RIPOR1: variants seen among roughly 807,000 people sequenced by gnomAD.
RIPOR1 encodes rho family-interacting cell polarization regulator 1.
A neutral mutation model predicts 116.5 loss-of-function variants in RIPOR1; 58 were observed. That is an observed-to-expected ratio of 0.50 (90% CI 0.40 to 0.62). The LOEUF is 0.62. RIPOR1 is among the 20% of genes least tolerant of loss of function. The probability of loss-of-function intolerance (pLI) is 0.00; values close to 1 mark genes in which losing one functional copy is unlikely to be tolerated. For missense variants in RIPOR1, 1,372 were observed against 1,586.2 expected (o/e 0.86, Z 2.29); for synonymous variants, 605 against 650.0 (o/e 0.93, Z 1.05).
At position 67,529,537 on chromosome 16, in the gene RIPOR1, G is replaced by T. The variant is rs1465498598; in HGVS notation, c.-24+623G>T. 2.1e-6 allele frequency: 1 copy of T among 470,190 alleles called. No individual in the cohort carries two copies. Among genetic ancestry groups the T allele is most frequent in the Non-Finnish European group, 3.8e-6 (1 of 264,002 alleles). 29.1% of individuals were successfully genotyped at this position (470,190 alleles called of 1,614,324 possible). On this transcript the variant is annotated intron_variant, in intron 1 of 21. Coordinates refer to ENST00000042381, the MANE Select transcript of RIPOR1 (RefSeq NM_024519.4). This position sits in a 1 kb window ranked among gnomAD's most constrained non-coding sequence, Gnocchi z 4.1. ...TGGCGCAAGGTTCCTGCAACAGCCGGGCCTGGGCTCTCTGCAGAACTGGTT... is the reference window on the plus strand; with the variant it reads ...TGGCGCAAGGTTCCTGCAACAGCCGTGCCTGGGCTCTCTGCAGAACTGGTT...
At position 67,529,713 on chromosome 16, in the gene RIPOR1, C is replaced by T; in HGVS notation, c.-24+799C>T. On this transcript the variant is annotated intron_variant, in intron 1 of 21. Coordinates refer to ENST00000042381, the MANE Select transcript of RIPOR1 (RefSeq NM_024519.4). This position sits in a 1 kb window ranked among gnomAD's most constrained non-coding sequence, Gnocchi z 4.1. The stretch of plus-strand genomic sequence containing the variant: ...CGTGTGTCCAGGCTGGCCGCCCCAG[C>T]ACCTACTGTGCGCAGCCTCGTGTAA... The T allele has an allele frequency of 1.3e-6, 2 of 1,517,882 alleles. No homozygotes were observed. Among genetic ancestry groups the T allele is most frequent in the Non-Finnish European group, 1.8e-6 (2 of 1,136,484 alleles). The allele number at this position is 1,517,882 out of a possible 1,614,324, so 94.0% of individuals were successfully genotyped here. A position where few individuals can be genotyped will look rare whatever the true frequency, so the allele number is the denominator to read the frequency against.
chr16:67,523,852 G>A (rs966597411), upstream of RIPOR1, among the ~76,000 whole-genome samples: 6 of 151,816 alleles, frequency 4.0e-5, no homozygotes, highest in African/African-American at 1.5e-4. Context: ...TCATTTTTGT[G>A]TTTTTAGTAG....
chr16:67,535,387 G>A (rs530976376), intron 1 of RIPOR1, among the ~76,000 whole-genome samples: 1 of 152,306 alleles, frequency 6.6e-6, no homozygotes, highest in East Asian at 1.9e-4. Context: ...ATTCCCCAGG[G>A]CTGGTTTCTG....
intron 1 of RIPOR1, among the ~76,000 whole-genome samples, chr16:67,520,618 T>C (rs1487315765): frequency 6.6e-6 from 1 of 151,732 alleles, no homozygotes; most frequent in Non-Finnish European, 1.5e-5. Flanking sequence ...CTGACCAACA[T>C]GGTGAAACCC....
Position 67,530,821 on chromosome 16 carries a change from G to A in RIPOR1, c.-24+1907G>A, listed in dbSNP as rs573234106. Among the ~76,000 whole-genome samples the A allele has an allele frequency of 2.4e-4, 37 of 152,168 alleles. No individual in the cohort carries two copies. The highest frequency in any genetic ancestry group is 8.9e-4 in the African/African-American group (37 of 41,518). On this transcript the variant is annotated intron_variant, in intron 1 of 21. Transcript: ENST00000042381. This position sits in a 1 kb window ranked among gnomAD's most constrained non-coding sequence, Gnocchi z 4.5. ...TTCCCATCCTGGGAACAGACTATAG[G>A]GCTGACATGAGCCCAGAGAGTCCCC... is the stretch of plus-strand genomic sequence containing the variant.
chr16:67,533,399 G>A (rs138582764), intron 1 of RIPOR1, among the ~76,000 whole-genome samples: 1 of 152,164 alleles, frequency 6.6e-6, no homozygotes, highest in Non-Finnish European at 1.5e-5. Context: ...CAGCCCAAGG[G>A]CGGGGAGGAT....
chr16:67,546,423 G>C lies in RIPOR1; in HGVS notation c.3620G>C (p.Arg1207Pro). 1 of 1,614,000 alleles carries C rather than the reference G, an allele frequency of 6.2e-7. No individual in the cohort carries two copies. The highest frequency in any genetic ancestry group is 8.5e-7 in the Non-Finnish European group (1 of 1,180,000). ...RLEESLDALP[R>P]IFGPGSMAST... Reference sequence around the variant, plus strand: ...GAGGAGTCCCTGGACGCCCTGCCCCGCATCTTTGGGCCTGGCAGCATGGCC... The same window carrying C: ...GAGGAGTCCCTGGACGCCCTGCCCCCCATCTTTGGGCCTGGCAGCATGGCC... Residue 1207 changes from arginine (R) to proline (P), a missense_variant, in exon 22 of 22, where the codon CGC becomes CCC. Arg to Pro is a moderately radical substitution (Grantham distance 103). This residue lies in a region of RIPOR1 where 1,005 missense variants were observed against 1,144.7 expected (regional missense o/e 0.88). Coordinates refer to ENST00000042381, the MANE Select transcript of RIPOR1 (RefSeq NM_024519.4).
In RIPOR1 at chr16:67,546,134, C is replaced by T. The variant is rs773221956; in HGVS notation, c.3472-7C>T. ...TGAGCCCACCTCAATGCTCCCTCCC[C>T]TGACAGGCTCCCGAGGGCATTGAGC... On this transcript the variant is annotated splice_region_variant and splice_polypyrimidine_tract_variant and intron_variant, in intron 20 of 21. Transcript: ENST00000042381. 5 of 1,613,588 alleles carry T rather than the reference C, an allele frequency of 3.1e-6. No homozygotes were observed. The African/African-American group carries it at 6.7e-5, about 22-fold the overall frequency.
intron 4 of RIPOR1, 176 bp downstream of exon 4, chr16:67,539,244 C>G: frequency 1.6e-6 from 1 of 607,144 alleles, no homozygotes. Flanking sequence ...GCTGTGCATA[C>G]TTTCTGCTTG....
At chr16:67,524,298 G>A (rs2142394487), upstream of RIPOR1, among the ~76,000 whole-genome samples, 1 of 152,324 alleles carries the variant, frequency 6.6e-6, no homozygotes, top group South Asian at 2.1e-4. Context: ...GTAGAGTCCA[G>A]GCTGGGGCTG....
Position 67,541,301 on chromosome 16 carries a change from CT to C in RIPOR1, c.802-127del. 1 of 980,418 alleles carries C rather than the reference CT, an allele frequency of 1.0e-6. No individual in the cohort carries two copies. Among genetic ancestry groups the C allele is most frequent in the Non-Finnish European group, 1.5e-6 (1 of 660,724 alleles). 60.7% of individuals were successfully genotyped at this position (980,418 alleles called of 1,614,324 possible). On this transcript the variant is annotated intron_variant, in intron 10 of 21. Coordinates refer to ENST00000042381, the MANE Select transcript of RIPOR1 (RefSeq NM_024519.4). The surrounding 1 kb of genome is among the most constrained non-coding windows in gnomAD (Gnocchi z 4.6). ...CCCAAGCTGGTCTTGAACTCCTGGC[CT>C]TAAGTGATCCTCCTGCCTCAGCCTC...
Position 67,546,427 on chromosome 16 carries a change from C to T in RIPOR1, c.3624C>T (p.Ile1208=). Residue 1208 remains isoleucine, a synonymous_variant, in exon 22 of 22, where the codon ATC becomes ATT. Transcript: ENST00000042381. ...LEESLDALPR[I]FGPGSMASTA... is the part of the protein sequence containing the mutation. ...AGTCCCTGGACGCCCTGCCCCGCAT[C>T]TTTGGGCCTGGCAGCATGGCCAGCA... The T allele has an allele frequency of 4.3e-6, 7 of 1,614,110 alleles. No individual in the cohort carries two copies. Among genetic ancestry groups the T allele is most frequent in the Non-Finnish European group, 5.9e-6 (7 of 1,180,030 alleles).
Position 67,528,876 on chromosome 16 carries a change from CA to C in RIPOR1, c.-60del. 1 of 176,196 alleles carries C rather than the reference CA, an allele frequency of 5.7e-6. No homozygotes were observed. The highest frequency in any genetic ancestry group is 1.2e-5 in the Non-Finnish European group (1 of 81,398). 10.9% of individuals were successfully genotyped at this position (176,196 alleles called of 1,614,324 possible). Reference sequence around the variant, plus strand: ...CGACCAGGCCGGGCACCTCCGAGCGCAAGGACAGCGCGAGGTCCGCGCAGCC... The same window carrying C: ...CGACCAGGCCGGGCACCTCCGAGCGCAGGACAGCGCGAGGTCCGCGCAGCC... On this transcript the variant is annotated 5_prime_UTR_variant, in exon 1 of 22. Coordinates refer to ENST00000042381, the MANE Select transcript of RIPOR1 (RefSeq NM_024519.4).
chr16:67,541,076 A>ATGTG lies in RIPOR1; in HGVS notation c.802-353_802-352insGTGT. On this transcript the variant is annotated intron_variant, in intron 10 of 21. Transcript: ENST00000042381. The surrounding 1 kb of genome is among the most constrained non-coding windows in gnomAD (Gnocchi z 4.6). ...TGAGCATGCATGTGTCTGTCTATCT[A>ATGTG]TCTAGGAGTTGGCGGGTCTCACTCT... Among the ~76,000 whole-genome samples the ATGTG allele has an allele frequency of 6.6e-6, 1 of 151,782 alleles. No homozygotes were observed. Among genetic ancestry groups the ATGTG allele is most frequent in the East Asian group, 1.9e-4 (1 of 5,150 alleles).
In RIPOR1 at chr16:67,538,435, C is replaced by A. The variant is rs372202996; in HGVS notation, c.-12C>A. 1 of 1,591,530 alleles carries A rather than the reference C, an allele frequency of 6.3e-7. No individual in the cohort carries two copies. The highest frequency in any genetic ancestry group is 8.6e-7 in the Non-Finnish European group (1 of 1,169,176). On this transcript the variant is annotated 5_prime_UTR_variant, in exon 2 of 22. Transcript: ENST00000042381. ...CCGATCACCCGCAGGGAGCCCCGCG[C>A]GGACTCACTCTATGATGTCCCTGTC...
upstream of RIPOR1, among the ~76,000 whole-genome samples, chr16:67,527,844 ACT>A (rs1388380761): frequency 1.5e-5 from 2 of 137,396 alleles, no homozygotes; most frequent in African/African-American, 5.6e-5. Flanking sequence ...CGACAGTGAC[ACT>A]CTGTCTCAAA....
rs990112647 is a variant in RIPOR1, at chr16:67,537,713, C to A, written c.-23-711C>A. 9 of 639,260 alleles carry A rather than the reference C, an allele frequency of 1.4e-5. No individual in the cohort carries two copies. In the Admixed American group the frequency reaches 1.7e-4, roughly 12 times the overall value. The allele number at this position is 639,260 out of a possible 1,614,324, so 39.6% of individuals were successfully genotyped here. A position where few individuals can be genotyped will look rare whatever the true frequency, so the allele number is the denominator to read the frequency against. ...AGCGGGGTGGGGGTCTGCCGAGGAG[C>A]TCTCCCCGCCGATGCCGGGGTGGAG... On this transcript the variant is annotated intron_variant, in intron 1 of 21. Transcript: ENST00000042381. The surrounding 1 kb of genome is among the most constrained non-coding windows in gnomAD (Gnocchi z 4.6).
Position 67,544,271 on chromosome 16 carries a change from G to C in RIPOR1, c.2601-28G>C, listed in dbSNP as rs757523159. On this transcript the variant is annotated intron_variant, in intron 14 of 21. Coordinates refer to ENST00000042381, the MANE Select transcript of RIPOR1 (RefSeq NM_024519.4). The surrounding 1 kb of genome is among the most constrained non-coding windows in gnomAD (Gnocchi z 5.1). ...TGACCAGGTGGTGATGTGTGCCTGTGGGGTGGTGGACCCCATTTTTCCCTC... is the reference window on the plus strand; with the variant it reads ...TGACCAGGTGGTGATGTGTGCCTGTCGGGTGGTGGACCCCATTTTTCCCTC... 4 of 1,583,082 alleles carry C rather than the reference G, an allele frequency of 2.5e-6. No homozygotes were observed. The highest frequency in any genetic ancestry group is 4.5e-5 in the East Asian group (2 of 44,056).
chr16:67,525,110 C>T (rs1025152831), upstream of RIPOR1, among the ~76,000 whole-genome samples: 2 of 152,264 alleles, frequency 1.3e-5, no homozygotes, highest in Admixed American at 6.5e-5. Context: ...CTTCCAGGAC[C>T]TACCCACTGT....
Sources: gnomAD v4.1 joint callset for allele counts (sites outside exome capture counted in the v4.1 genomes callset) on GRCh38, gnomAD v4.1.1 for gene constraint, gnomAD v4.1.1 regional missense constraint, Gnocchi (gnomAD v3.1) non-coding constraint, MANE v1.5 for transcripts, NCBI Gene and HGNC (gene_info 2026-07-23, HGNC 2026-07-21) for gene names.